Variants in CILK1 observed in about 807,000 individuals in gnomAD.
CILK1 encodes ciliogenesis associated kinase 1.
CILK1 carries 47 observed loss-of-function variants against 79.2 expected under a neutral mutation model. The observed-to-expected ratio is 0.59, with a 90% confidence interval of 0.47 to 0.76. The LOEUF (loss-of-function observed/expected upper bound fraction) is 0.76, where lower values mean the gene tolerates loss of function less well. CILK1 is among the 30% of genes least tolerant of loss of function. CILK1 has a pLI of 0.00. For missense variants in CILK1, 660 were observed against 769.5 expected (o/e 0.86, Z 1.68); for synonymous variants, 266 against 275.9 (o/e 0.96, Z 0.36).
intron 5 of CILK1, among the ~76,000 whole-genome samples, chr6:53,022,285 C>T (rs919605534): frequency 6.6e-6 from 1 of 152,182 alleles, no homozygotes; most frequent in Non-Finnish European, 1.5e-5. Flanking sequence ...CTCACTGATT[C>T]ACCCAGAGCC....
At chr6:53,052,883 GGCGTGTGCTCT>G (rs1562047627) in intron 1 of CILK1, among the ~76,000 whole-genome samples, 1 of 151,722 alleles carries the variant, frequency 6.6e-6, no homozygotes, top group Non-Finnish European at 1.5e-5. Context: ...CTTCAGGCTG[GGCGTGTGCTCT>G]GCAGCTCACC....
In CILK1 at chr6:53,004,901, GT is replaced by G; in HGVS notation, c.*247del. 4.8e-6 allele frequency: 2 copies of G among 418,064 alleles called. No individual in the cohort carries two copies. The highest frequency in any genetic ancestry group is 8.6e-6 in the Non-Finnish European group (2 of 232,716). The allele number at this position is 418,064 out of a possible 1,614,324, so 25.9% of individuals were successfully genotyped here. The stretch of plus-strand genomic sequence containing the variant: ...TAATCCATATATACAAAATGCTGTT[GT>G]TTAAGAAAATAATGGGACCCAGTTT... On this transcript the variant is annotated 3_prime_UTR_variant, in exon 14 of 14. Transcript: ENST00000676107.
chr6:53,028,846 A>C (rs1765744019), intron 5 of CILK1, among the ~76,000 whole-genome samples: 1 of 149,446 alleles, frequency 6.7e-6, no homozygotes, highest in African/African-American at 2.5e-5. Flanking sequence ...TGTGTGTGTA[A>C]GATGAATGTA....
chr6:53,030,953 T>C, intron 5 of CILK1, 112 bp downstream of exon 5: 1 of 756,294 alleles, frequency 1.3e-6, no homozygotes. Flanking sequence ...GCCTCTCAAC[T>C]CTTCAACCTT....
intron 1 of CILK1, among the ~76,000 whole-genome samples, chr6:53,052,837 T>C (rs910865662): frequency 2.6e-5 from 4 of 152,006 alleles, no homozygotes; most frequent in African/African-American, 9.7e-5. Flanking sequence ...CCTTAGCCCT[T>C]CACGGTAATA....
At chr6:53,054,689 T>C (rs890826036) in intron 1 of CILK1, 1 of 152,212 alleles carries the variant, frequency 6.6e-6, no homozygotes, top group African/African-American at 2.4e-5. Context: ...GGCCTTTGGG[T>C]AAGGCTGTAC....
chr6:53,019,250 A>G lies in CILK1; in HGVS notation c.468T>C (p.Tyr156=). ...ACCATCTGGTAGATACATAATCTGT[A>G]TATGGAGGTTTTGATCGTATTTCTC... ...LAREIRSKPP[Y]TDYVSTRWYR... The change falls in exon 6 of 14, where the codon TAT becomes TAC. Residue 156 remains tyrosine, a synonymous_variant. Transcript: ENST00000676107. 1 of 1,614,002 alleles carries G rather than the reference A, an allele frequency of 6.2e-7. No individual in the cohort carries two copies. Among genetic ancestry groups the G allele is most frequent in the Non-Finnish European group, 8.5e-7 (1 of 1,179,862 alleles).
At position 53,001,802 on chromosome 6, in the gene CILK1, C is replaced by T. The variant is rs1052923896; in HGVS notation, c.*3347G>A. On this transcript the variant is annotated 3_prime_UTR_variant, in exon 14 of 14. Coordinates refer to ENST00000676107, the MANE Select transcript of CILK1 (RefSeq NM_014920.5). ...GATATAAAATAATTAGTATGTCAAA[C>T]ATCTTCTTATAAACATATTGCTTTT... 2.0e-5 allele frequency: 3 copies of T among 152,602 alleles called. No homozygotes were observed. The highest frequency in any genetic ancestry group is 4.4e-5 in the Non-Finnish European group (3 of 68,044). 9.5% of individuals were successfully genotyped at this position (152,602 alleles called of 1,614,324 possible).
intron 12 of CILK1, among the ~76,000 whole-genome samples, chr6:53,008,466 C>T (rs1477276541): frequency 6.6e-6 from 1 of 151,380 alleles, no homozygotes; most frequent in African/African-American, 2.4e-5. Flanking sequence ...CACTCTATCA[C>T]CCAGGTTGGA....
At chr6:53,009,673 G>T in intron 11 of CILK1, 106 bp from the exon 12 acceptor site, 2 of 982,138 alleles carry the variant, frequency 2.0e-6, no homozygotes, top group Non-Finnish European at 3.1e-6. Flanking sequence ...AACTCTCTAT[G>T]ATACAATAAT....
intron 1 of CILK1, among the ~76,000 whole-genome samples, chr6:53,052,864 T>G (rs751075189): frequency 2.6e-5 from 4 of 151,690 alleles, no homozygotes; most frequent in Non-Finnish European, 4.4e-5. Flanking sequence ...GGAAGAAATG[T>G]CCGTACCTCT....
chr6:53,056,926 T>G (rs1158799042), intron 1 of CILK1, among the ~76,000 whole-genome samples: 1 of 152,222 alleles, frequency 6.6e-6, no homozygotes, highest in African/African-American at 2.4e-5. Flanking sequence ...TGACTCCTTC[T>G]AAAAACTTTT....
At chr6:53,007,327 G>T (rs1297772657) in intron 12 of CILK1, among the ~76,000 whole-genome samples, 1 of 152,184 alleles carries the variant, frequency 6.6e-6, no homozygotes, top group Non-Finnish European at 1.5e-5. Context: ...CAGCTGGGGT[G>T]TATTTTGTAC....
intron 5 of CILK1, among the ~76,000 whole-genome samples, chr6:53,021,152 T>A (rs568952900): frequency 1.3e-5 from 2 of 152,250 alleles, no homozygotes; most frequent in East Asian, 3.9e-4. Context: ...TGAAACACCA[T>A]CTCTACTAAA....
intron 8 of CILK1, among the ~76,000 whole-genome samples, chr6:53,015,569 A>G (rs925559762): frequency 1.3e-5 from 2 of 152,244 alleles, no homozygotes; most frequent in African/African-American, 4.8e-5. Context: ...TGGAGTCTTT[A>G]TTGGATTAAA....
chr6:53,015,975 C>A, intron 8 of CILK1, 108 bp downstream of exon 8: 1 of 1,099,790 alleles, frequency 9.1e-7, no homozygotes. Context: ...TAGTGGTATT[C>A]TGTACTATTT....
intron 1 of CILK1, among the ~76,000 whole-genome samples, chr6:53,048,122 C>G (rs1767228719): frequency 1.3e-5 from 2 of 151,984 alleles, no homozygotes; most frequent in South Asian, 2.1e-4. Flanking sequence ...AATAAGGCAG[C>G]CTGTGTTCAG....
chr6:53,044,984 G>A (rs958266997), intron 1 of CILK1, among the ~76,000 whole-genome samples: 9 of 152,140 alleles, frequency 5.9e-5, no homozygotes, highest in South Asian at 2.1e-4. Flanking sequence ...ACTAAGATAG[G>A]ATCTATGGGT....
chr6:53,034,359 T>A (rs1387502150), intron 3 of CILK1, among the ~76,000 whole-genome samples: 1 of 152,192 alleles, frequency 6.6e-6, no homozygotes, highest in Admixed American at 6.5e-5. Context: ...AGTAGTTTAA[T>A]ATAAAAAGAA....
Sources: allele counts gnomAD v4.1 joint callset (sites outside exome capture counted in the v4.1 genomes callset), GRCh38; gene constraint gnomAD v4.1.1; transcripts MANE v1.5; gene names NCBI Gene and HGNC (gene_info 2026-07-23, HGNC 2026-07-21).